RBFOX1: variants seen among roughly 807,000 people sequenced by gnomAD.
RBFOX1 encodes the protein RNA binding fox-1 homolog 1, also known as RNA binding protein fox-1 homolog 1.
RBFOX1 carries 8 observed loss-of-function variants against 57.7 expected under a neutral mutation model. That is an observed-to-expected ratio of 0.14 (90% CI 0.08 to 0.25). The LOEUF is 0.25. RBFOX1 is among the 10% of genes least tolerant of loss of function. The probability of loss-of-function intolerance (pLI) is 1.00; values close to 1 mark genes in which losing one functional copy is unlikely to be tolerated. For missense variants in RBFOX1, 611 were observed against 548.5 expected (o/e 1.11, Z -1.14); for synonymous variants, 326 against 222.4 (o/e 1.47, Z -4.15).
intron 1 of RBFOX1, among the ~76,000 whole-genome samples, chr16:6,067,593 C>G (rs913553132): frequency 6.6e-6 from 1 of 152,006 alleles, no homozygotes; most frequent in Non-Finnish European, 1.5e-5. Context: ...TTTGTTTCAT[C>G]AGAGAGAAGT....
intron 3 of RBFOX1, among the ~76,000 whole-genome samples, chr16:6,924,323 C>G (rs1446830996): frequency 3.9e-5 from 6 of 152,004 alleles, no homozygotes; most frequent in African/African-American, 9.7e-5. Flanking sequence ...GGAGGTTCCA[C>G]TCATCATGGG....
At chr16:6,941,347 C>CTTCCTTCG (rs1381314059) in intron 3 of RBFOX1, among the ~76,000 whole-genome samples, 20 of 131,396 alleles carry the variant, frequency 1.5e-4, no homozygotes, top group South Asian at 2.6e-4. Flanking sequence ...TCCTTCCTTC[C>CTTCCTTCG]TTCCTTCCTT....
chr16:5,990,982 A>G (rs950233969), intron 4 of RBFOX1, among the ~76,000 whole-genome samples: 1 of 152,200 alleles, frequency 6.6e-6, no homozygotes, highest in Non-Finnish European at 1.5e-5. Flanking sequence ...CAGAGAGAGA[A>G]AAAAAATACA....
At chr16:6,908,292 G>A (rs1409535106) in intron 3 of RBFOX1, among the ~76,000 whole-genome samples, 2 of 151,672 alleles carry the variant, frequency 1.3e-5, no homozygotes, top group Non-Finnish European at 3.0e-5. Context: ...GGGCAGGCCT[G>A]CACCCCCAGC....
chr16:7,709,004 T>C, intron 14 of RBFOX1, 52 bp from the exon 15 acceptor site: 1 of 1,518,692 alleles, frequency 6.6e-7, no homozygotes, highest in Non-Finnish European at 9.1e-7. Flanking sequence ...TGATTGTTAT[T>C]GTTTTGTAAT....
intron 4 of RBFOX1, among the ~76,000 whole-genome samples, chr16:5,984,457 C>T (rs1596344244): frequency 6.6e-6 from 1 of 151,830 alleles, no homozygotes; most frequent in South Asian, 2.1e-4. Flanking sequence ...TATTATCCAG[C>T]CATAGTTATC....
intron 3 of RBFOX1, among the ~76,000 whole-genome samples, chr16:6,935,405 A>C (rs1008629370): frequency 6.6e-6 from 1 of 152,196 alleles, no homozygotes; most frequent in Non-Finnish European, 1.5e-5. Flanking sequence ...GACTTCCAAC[A>C]GTAGATCATA....
chr16:5,795,292 C>A (rs1040968282), intron 3 of RBFOX1, among the ~76,000 whole-genome samples: 1 of 151,876 alleles, frequency 6.6e-6, no homozygotes, highest in Non-Finnish European at 1.5e-5. Flanking sequence ...TATTGTCTTC[C>A]ACTTCTTCCT....
chr16:7,475,821 A>G (rs973546162), intron 4 of RBFOX1, among the ~76,000 whole-genome samples: 2 of 152,166 alleles, frequency 1.3e-5, no homozygotes, highest in Admixed American at 6.5e-5. Flanking sequence ...TAATTTGAAT[A>G]TATGTTGGTA....
chr16:6,414,014 C>T (rs930615536), intron 2 of RBFOX1, among the ~76,000 whole-genome samples: 1 of 152,154 alleles, frequency 6.6e-6, no homozygotes, highest in African/African-American at 2.4e-5. Flanking sequence ...GAAATTCCAA[C>T]CATAGGGATC....
intron 1 of RBFOX1, among the ~76,000 whole-genome samples, chr16:6,252,440 C>T (rs1385287377): frequency 6.6e-6 from 1 of 152,088 alleles, no homozygotes; most frequent in Non-Finnish European, 1.5e-5. Flanking sequence ...CCAAGTTGTT[C>T]TTAAAGTGTA....
At chr16:6,703,460 C>T (rs544898835) in intron 3 of RBFOX1, among the ~76,000 whole-genome samples, 152 of 152,106 alleles carry the variant, frequency 1.0e-3, no homozygotes, top group African/African-American at 3.6e-3. Context: ...GCCTGTAGTC[C>T]TAGATGCTGG....
chr16:6,821,985 A>T (rs1289146879), intron 3 of RBFOX1, among the ~76,000 whole-genome samples: 1 of 152,138 alleles, frequency 6.6e-6, no homozygotes, highest in South Asian at 2.1e-4. Flanking sequence ...GATGGATGAT[A>T]CTTCGCTGAC....
intron 2 of RBFOX1, among the ~76,000 whole-genome samples, chr16:6,494,522 C>G (rs2095712253): frequency 6.6e-6 from 1 of 152,200 alleles, no homozygotes; most frequent in Non-Finnish European, 1.5e-5. Flanking sequence ...GGAGTTGTAC[C>G]TACATTGTTA....
intron 1 of RBFOX1, among the ~76,000 whole-genome samples, chr16:5,432,991 G>A (rs113083446): frequency 3.9e-5 from 6 of 152,144 alleles, no homozygotes; most frequent in Admixed American, 1.3e-4. Context: ...TCACCATGTT[G>A]GCCAGGGTGG....
intron 14 of RBFOX1, among the ~76,000 whole-genome samples, chr16:7,683,035 A>ATAT (rs2075272137): frequency 2.3e-3 from 2 of 868 alleles, no homozygotes; most frequent in African/African-American, 2.9e-3. Flanking sequence ...TATATATATA[A>ATAT]AACAGTGCTC....
At chr16:6,041,022 CA>C (rs1436684619) in intron 1 of RBFOX1, among the ~76,000 whole-genome samples, 16 of 152,190 alleles carry the variant, frequency 1.1e-4, no homozygotes, top group African/African-American at 3.9e-4. Context: ...TGGGTTTGGA[CA>C]AATACATAAT....
chr16:6,885,718 G>A (rs2063860392), intron 3 of RBFOX1, among the ~76,000 whole-genome samples: 1 of 152,012 alleles, frequency 6.6e-6, no homozygotes, highest in African/African-American at 2.4e-5. Context: ...CTTTAGTAGA[G>A]ACTGGGTTTC....
intron 3 of RBFOX1, among the ~76,000 whole-genome samples, chr16:6,743,947 G>A (rs766322367): frequency 3.6e-4 from 54 of 151,094 alleles, no homozygotes; most frequent in Non-Finnish European, 6.3e-4. Flanking sequence ...TTTTTCATTT[G>A]TGGTTTAATT....
Sources: gnomAD v4.1 joint callset for allele counts (sites outside exome capture counted in the v4.1 genomes callset) on GRCh38, gnomAD v4.1.1 for gene constraint, MANE v1.5 for transcripts, NCBI Gene and HGNC (gene_info 2026-07-23, HGNC 2026-07-21) for gene names.